Variants in WDTC1 observed in about 807,000 individuals in gnomAD.
The protein encoded by WDTC1 is WD and tetratricopeptide repeats protein 1.
A neutral mutation model predicts 76.0 loss-of-function variants in WDTC1; 12 were observed. That is an observed-to-expected ratio of 0.16 (90% CI 0.10 to 0.26). The LOEUF is 0.26. WDTC1 is among the 10% of genes least tolerant of loss of function. WDTC1 has a pLI of 1.00. For missense variants in WDTC1, 511 were observed against 908.8 expected (o/e 0.56, Z 5.63); for synonymous variants, 326 against 350.8 (o/e 0.93, Z 0.79).
intron 6 of WDTC1, among the ~76,000 whole-genome samples, chr1:27,291,987 A>G (rs894258663): frequency 2.0e-5 from 3 of 152,226 alleles, no homozygotes; most frequent in East Asian, 3.8e-4. Context: ...AATATGTACA[A>G]TAGTATCCAC....
At chr1:27,294,209 G>A (rs910442197) in intron 8 of WDTC1, 93 bp downstream of exon 8, 29 of 1,357,512 alleles carry the variant, frequency 2.1e-5, no homozygotes, top group African/African-American at 1.2e-4. Flanking sequence ...TGGTGGTCAA[G>A]AGCAAGGGTT....
intron 1 of WDTC1, among the ~76,000 whole-genome samples, chr1:27,253,483 CTCTT>C (rs1347533778): frequency 0.01 from 1,318 of 131,044 alleles, 24 homozygotes; most frequent in African/African-American, 0.036. Context: ...CTCTTCTTCT[CTCTT>C]TCTTCTTTCT....
rs995154521 is a variant in WDTC1, at chr1:27,306,589, C to T, written c.*206C>T. On this transcript the variant is annotated 3_prime_UTR_variant, in exon 16 of 16. Coordinates refer to ENST00000319394, the MANE Select transcript of WDTC1 (RefSeq NM_001276252.2). This position sits in a 1 kb window ranked among gnomAD's most constrained non-coding sequence, Gnocchi z 5.0. ...GGGCTGATTGTCCCCTGACTATCCC[C>T]AGCCCTGAAAAAAAGAGCAGGAGGG... 1 of 642,718 alleles carries T rather than the reference C, an allele frequency of 1.6e-6. No individual in the cohort carries two copies. Among genetic ancestry groups the T allele is most frequent in the South Asian group, 2.0e-5 (1 of 49,574 alleles). The allele number at this position is 642,718 out of a possible 1,614,324, so 39.8% of individuals were successfully genotyped here.
intron 3 of WDTC1, among the ~76,000 whole-genome samples, chr1:27,278,094 C>T (rs1461521602): frequency 3.3e-5 from 5 of 152,176 alleles, no homozygotes; most frequent in African/African-American, 1.2e-4. Flanking sequence ...CAGCCCAACT[C>T]AGCCTCCCAA....
intron 3 of WDTC1, among the ~76,000 whole-genome samples, chr1:27,276,719 AT>A (rs199672392): frequency 0.014 from 2,014 of 144,140 alleles, 25 homozygotes; most frequent in East Asian, 0.024. Context: ...AGAAAAAAAA[AT>A]TTTTTTTTTA....
At chr1:27,273,636 A>G (rs1375104268) in intron 3 of WDTC1, among the ~76,000 whole-genome samples, 1 of 152,200 alleles carries the variant, frequency 6.6e-6, no homozygotes, top group African/African-American at 2.4e-5. Flanking sequence ...AATATGGACT[A>G]TACGTTAGAC....
chr1:27,263,128 C>G, intron 2 of WDTC1, 24 bp from the exon 3 acceptor site: 1 of 1,611,984 alleles, frequency 6.2e-7, no homozygotes, highest in Non-Finnish European at 8.5e-7. Context: ...TCAATGAAAT[C>G]ACGAATTTGT....
chr1:27,272,278 C>T (rs1353297807), intron 3 of WDTC1, among the ~76,000 whole-genome samples: 1 of 151,198 alleles, frequency 6.6e-6, no homozygotes, highest in East Asian at 2.0e-4. Flanking sequence ...TAAGTAGAGA[C>T]AAGGTTTTGC....
chr1:27,243,001 C>T (rs1336500622), intron 1 of WDTC1, among the ~76,000 whole-genome samples: 3 of 152,092 alleles, frequency 2.0e-5, no homozygotes, highest in Non-Finnish European at 4.4e-5. Context: ...ATCCTACCAG[C>T]GAAAGCTTTC....
chr1:27,247,961 G>A (rs555172398), intron 1 of WDTC1, among the ~76,000 whole-genome samples: 1 of 151,990 alleles, frequency 6.6e-6, no homozygotes, highest in Admixed American at 6.6e-5. Flanking sequence ...CAGGTGATCT[G>A]CCCGCCTCGG....
intron 14 of WDTC1, 157 bp from the exon 15 acceptor site, chr1:27,304,844 A>G (rs2013914152): frequency 4.4e-6 from 3 of 688,086 alleles, no homozygotes; most frequent in African/African-American, 3.6e-5. Flanking sequence ...AGGGCTATAT[A>G]CCTGGAGGAA....
intron 1 of WDTC1, among the ~76,000 whole-genome samples, chr1:27,238,732 AT>A (rs2011545947): frequency 6.6e-6 from 1 of 151,862 alleles, no homozygotes; most frequent in Non-Finnish European, 1.5e-5. Flanking sequence ...CGCCCATCTA[AT>A]TTTTGTATTT....
At chr1:27,292,476 C>A in intron 7 of WDTC1, 79 bp downstream of exon 7, 1 of 1,349,312 alleles carries the variant, frequency 7.4e-7, no homozygotes. Context: ...CTGCCATTGC[C>A]ATGCCCTCTT....
chr1:27,286,467 CTTTTTTTTTT>C (rs1172585069), intron 5 of WDTC1, among the ~76,000 whole-genome samples: 2 of 124,442 alleles, frequency 1.6e-5, no homozygotes, highest in African/African-American at 3.1e-5. Flanking sequence ...GGATTATTTC[CTTTTTTTTTT>C]TTTTTTTTTT....
chr1:27,292,969 C>G (rs1397211214), intron 7 of WDTC1, among the ~76,000 whole-genome samples: 1 of 148,364 alleles, frequency 6.7e-6, no homozygotes. Flanking sequence ...CCAGGCTAGT[C>G]TTGAACTCCT....
At chr1:27,276,411 A>G (rs999770497) in intron 3 of WDTC1, among the ~76,000 whole-genome samples, 4 of 152,158 alleles carry the variant, frequency 2.6e-5, no homozygotes, top group Admixed American at 1.3e-4. Flanking sequence ...ATTTTTTATT[A>G]TAGGCCAGGC....
At chr1:27,244,063 T>C (rs915286679) in intron 1 of WDTC1, among the ~76,000 whole-genome samples, 1 of 151,868 alleles carries the variant, frequency 6.6e-6, no homozygotes, top group African/African-American at 2.4e-5. Context: ...GGAGGATCTC[T>C]TGGGCCCGGG....
chr1:27,237,322 T>C (rs1468348491), intron 1 of WDTC1, among the ~76,000 whole-genome samples: 1 of 152,220 alleles, frequency 6.6e-6, no homozygotes, highest in East Asian at 1.9e-4. Context: ...TGTGCAGTTC[T>C]GAGTCTCAGA....
intron 6 of WDTC1, among the ~76,000 whole-genome samples, chr1:27,290,589 C>G (rs1016218214): frequency 6.6e-5 from 10 of 152,164 alleles, no homozygotes; most frequent in Admixed American, 4.6e-4. Context: ...GGCAAGCCAC[C>G]CGGAAATGGT....
Sources: allele counts gnomAD v4.1 joint callset (sites outside exome capture counted in the v4.1 genomes callset), GRCh38; gene constraint gnomAD v4.1.1; non-coding constraint Gnocchi (gnomAD v3.1); transcripts MANE v1.5; gene names NCBI Gene and HGNC (gene_info 2026-07-23, HGNC 2026-07-21).